Variants in USP49 observed in about 807,000 individuals in gnomAD.
USP49 encodes ubiquitin carboxyl-terminal hydrolase 49.
Under a neutral mutation model 58.6 loss-of-function variants are expected in USP49, and 24 were observed. The observed-to-expected ratio is 0.41, with a 90% CI of 0.30 to 0.58. USP49 has a LOEUF of 0.58. Ranked by LOEUF, USP49 falls within the 20% of genes least tolerant of loss-of-function variation. USP49 has a pLI of 0.30. For synonymous variants in USP49, 408 were observed against 365.1 expected, an observed-to-expected ratio of 1.12 and a Z score of -1.34; for missense variants, 703 against 866.1, an observed-to-expected ratio of 0.81 and a Z score of 2.36.
intron 3 of USP49, among the ~76,000 whole-genome samples, chr6:41,842,907 G>GTT (rs1179139204): frequency 1.3e-5 from 2 of 150,952 alleles, no homozygotes; most frequent in Non-Finnish European, 2.9e-5. Flanking sequence ...ACATGAATAT[G>GTT]TTATATATAT....
chr6:41,884,266 GC>G (rs1387911725), intron 2 of USP49, among the ~76,000 whole-genome samples: 4 of 152,040 alleles, frequency 2.6e-5, no homozygotes, highest in Non-Finnish European at 4.4e-5. Context: ...CTCGTGATCT[GC>G]CCACCTTGGC....
At chr6:41,877,875 T>A (rs114730940) in intron 2 of USP49, among the ~76,000 whole-genome samples, 2,259 of 152,258 alleles carry the variant, frequency 0.015, 55 homozygotes, top group African/African-American at 0.052. Flanking sequence ...AGGACCCCAT[T>A]TTTTACATTT....
chr6:41,832,393 T>C (rs1773649827), intron 3 of USP49, among the ~76,000 whole-genome samples: 1 of 152,238 alleles, frequency 6.6e-6, no homozygotes, highest in South Asian at 2.1e-4. Context: ...CATATGTATG[T>C]ACTGGCAAAT....
chr6:41,860,471 T>G (rs758414102), intron 3 of USP49, among the ~76,000 whole-genome samples: 1 of 152,140 alleles, frequency 6.6e-6, no homozygotes, highest in African/African-American at 2.4e-5. Flanking sequence ...AGTTTTTATA[T>G]GCTTGAAAAT....
At chr6:41,801,699 T>A (rs567578738) in intron 5 of USP49, among the ~76,000 whole-genome samples, 1 of 152,272 alleles carries the variant, frequency 6.6e-6, no homozygotes, top group South Asian at 2.1e-4. Context: ...GAAAAAGAAA[T>A]TACTGATTCA....
At position 41,884,071 on chromosome 6, in the gene USP49, T is replaced by C. The variant is rs561573851; in HGVS notation, c.-103+7723A>G. 5.9e-5 allele frequency among the ~76,000 whole-genome samples: 9 copies of C among 152,270 alleles called. 1 individual carries two copies. In the South Asian group the frequency reaches 1.9e-3, roughly 32 times the overall value. Reference sequence around the variant, plus strand: ...TGGAGTCTCACCCTGTCACTCAGACTGGAGTGCAGTGGCACAATCTTGGCT... The same window carrying C: ...TGGAGTCTCACCCTGTCACTCAGACCGGAGTGCAGTGGCACAATCTTGGCT... On this transcript the variant is annotated intron_variant, in intron 2 of 7. Transcript: ENST00000682992.
intron 3 of USP49, among the ~76,000 whole-genome samples, chr6:41,847,336 A>G (rs1773940925): frequency 6.6e-6 from 1 of 152,220 alleles, no homozygotes; most frequent in Non-Finnish European, 1.5e-5. Context: ...AAAAAGATCC[A>G]AACAGAAATT....
rs141440149 is a variant in USP49, at chr6:41,824,662, C to T, written c.-28-17651G>A. ...CAGAGGTTGTGGTGAGCCGAGATCGCGCCATTGCACTCCAGCCTGGGCAAC... is the reference window on the plus strand; with the variant it reads ...CAGAGGTTGTGGTGAGCCGAGATCGTGCCATTGCACTCCAGCCTGGGCAAC... On this transcript the variant is annotated intron_variant, in intron 3 of 7. Coordinates refer to ENST00000682992, the MANE Select transcript of USP49 (RefSeq NM_001286554.2). Among the ~76,000 whole-genome samples, 1,347 of 152,222 alleles carry T rather than the reference C, an allele frequency of 8.8e-3. 7 individuals are homozygous for T. Among genetic ancestry groups the T allele is most frequent in the Non-Finnish European group, 0.013 (858 of 68,004 alleles).
intron 3 of USP49, among the ~76,000 whole-genome samples, chr6:41,841,052 T>C (rs1773819203): frequency 6.6e-6 from 1 of 151,916 alleles, no homozygotes; most frequent in Non-Finnish European, 1.5e-5. Context: ...ACCTTTTTAC[T>C]ATCTGGCCCC....
chr6:41,847,439 G>A (rs370739186), intron 3 of USP49, among the ~76,000 whole-genome samples: 46 of 152,240 alleles, frequency 3.0e-4, no homozygotes, highest in African/African-American at 7.2e-4. Flanking sequence ...AGAGTCAGCC[G>A]GGTGCAGTGG....
intron 3 of USP49, among the ~76,000 whole-genome samples, chr6:41,865,723 C>T (rs1279288946): frequency 6.6e-6 from 1 of 151,502 alleles, no homozygotes; most frequent in Non-Finnish European, 1.5e-5. Context: ...ACTGTAACCT[C>T]GAACTCCTGA....
chr6:41,799,333 C>T (rs1173326419), intron 6 of USP49, among the ~76,000 whole-genome samples: 7 of 152,058 alleles, frequency 4.6e-5, no homozygotes, highest in African/African-American at 1.7e-4. Context: ...TCTCAAACTC[C>T]TGAGCTCAAG....
intron 3 of USP49, among the ~76,000 whole-genome samples, chr6:41,808,885 C>T (rs116541981): frequency 0.013 from 1,965 of 152,040 alleles, 25 homozygotes; most frequent in South Asian, 0.062. Flanking sequence ...CAACATAGAC[C>T]TGTCCTATCT....
At chr6:41,826,637 G>T (rs1582005721) in intron 3 of USP49, among the ~76,000 whole-genome samples, 1 of 151,804 alleles carries the variant, frequency 6.6e-6, no homozygotes. Context: ...ATCTTCTGAG[G>T]TTGAAGTTAG....
At chr6:41,893,812 A>T (rs952350020) in intron 1 of USP49, 1 of 152,186 alleles carries the variant, frequency 6.6e-6, no homozygotes, top group African/African-American at 2.4e-5. Context: ...TTTTAGGGAC[A>T]AAAGGATTCA....
At chr6:41,883,347 C>G (rs1376853705) in intron 2 of USP49, among the ~76,000 whole-genome samples, 16 of 129,430 alleles carry the variant, frequency 1.2e-4, no homozygotes, top group African/African-American at 4.2e-4. Context: ...GAGTGAGACT[C>G]TGTCTCAAAA....
chr6:41,829,316 A>AT (rs150752989), intron 3 of USP49, among the ~76,000 whole-genome samples: 3,252 of 144,988 alleles, frequency 0.022, 60 homozygotes, highest in Admixed American at 0.059. Context: ...ATTCTCTTGA[A>AT]TTTTTTTTTT....
chr6:41,811,169 C>A (rs919124365), intron 3 of USP49, among the ~76,000 whole-genome samples: 2 of 152,138 alleles, frequency 1.3e-5, no homozygotes, highest in African/African-American at 4.8e-5. Flanking sequence ...AGGGAAGCGA[C>A]CTAGACTACT....
chr6:41,849,230 A>G (rs1773977564), intron 3 of USP49, among the ~76,000 whole-genome samples: 1 of 152,256 alleles, frequency 6.6e-6, no homozygotes, highest in East Asian at 1.9e-4. Context: ...ATGACATGAT[A>G]AAAGGGTAAA....
Sources: gnomAD v4.1 joint callset for allele counts (sites outside exome capture counted in the v4.1 genomes callset) on GRCh38, gnomAD v4.1.1 for gene constraint, MANE v1.5 for transcripts, NCBI Gene and HGNC (gene_info 2026-07-23, HGNC 2026-07-21) for gene names.